RFK: variants seen among roughly 807,000 people sequenced by gnomAD.
The protein encoded by RFK is 0610038L10Rik.
Under a neutral mutation model 17.6 loss-of-function variants are expected in RFK, and 4 were observed. The ratio of observed to expected loss-of-function variants is 0.23; its 90% CI spans 0.11 to 0.52. The LOEUF (loss-of-function observed/expected upper bound fraction) is 0.52. RFK is among the 20% of genes least tolerant of loss of function. The pLI is 0.96. For synonymous variants in RFK, 59 were observed against 63.8 expected (o/e 0.92, Z 0.36); for missense variants, 189 against 187.7 (o/e 1.01, Z -0.04).
At chr9:76,392,945 A>G (rs1822836237) in intron 1 of RFK, among the ~76,000 whole-genome samples, 1 of 152,194 alleles carries the variant, frequency 6.6e-6, no homozygotes, top group Non-Finnish European at 1.5e-5. Context: ...AATCACATGC[A>G]AGGCTAATGT....
intron 1 of RFK, 179 bp downstream of exon 1, chr9:76,393,911 A>C: frequency 1.7e-6 from 1 of 595,310 alleles, no homozygotes; most frequent in Non-Finnish European, 2.8e-6. Context: ...AAGCAGGGAC[A>C]AGCTCCCTCA....
intron 1 of RFK, 70 bp downstream of exon 1, chr9:76,394,020 T>TCTCG: frequency 1.4e-6 from 2 of 1,452,596 alleles, no homozygotes; most frequent in Non-Finnish European, 1.9e-6. Flanking sequence ...CGGTCCCAAG[T>TCTCG]CCCCGGCTGC....
intron 2 of RFK, among the ~76,000 whole-genome samples, chr9:76,389,622 A>G (rs1272843123): frequency 6.6e-6 from 1 of 152,028 alleles, no homozygotes; most frequent in African/African-American, 2.4e-5. Context: ...TTAGCTGGGC[A>G]TGGTGGCGCA....
intron 2 of RFK, among the ~76,000 whole-genome samples, chr9:76,390,286 G>A (rs1033675768): frequency 1.3e-5 from 2 of 152,278 alleles, no homozygotes; most frequent in Non-Finnish European, 2.9e-5. Flanking sequence ...GTATCTTCAT[G>A]ACTTTGGAGT....
At chr9:76,387,816 A>T (rs1011267645) in intron 3 of RFK, 5 of 266,710 alleles carry the variant, frequency 1.9e-5, no homozygotes, top group Admixed American at 4.9e-5. Context: ...CCTGGCCAGC[A>T]TGGTGAAACC....
intron 2 of RFK, among the ~76,000 whole-genome samples, chr9:76,389,020 AC>A (rs1822780745): frequency 6.6e-6 from 1 of 152,224 alleles, no homozygotes; most frequent in Non-Finnish European, 1.5e-5. Flanking sequence ...TTACTACTAA[AC>A]AACTAGTTGT....
Position 76,394,193 on chromosome 9 carries a change from G to C in RFK, c.-22C>G. On this transcript the variant is annotated 5_prime_UTR_variant, in exon 1 of 4. Transcript: ENST00000376736. ...TCATAATGCAGTCCGCTCGGGGAAT[G>C]GGCTGCGGCCCGGTCTGCGCGTCCT... 6.4e-7 allele frequency: 1 copy of C among 1,570,054 alleles called. No homozygotes were observed. The highest frequency in any genetic ancestry group is 1.4e-5 in the African/African-American group (1 of 73,442).
chr9:76,393,910 C>CA, intron 1 of RFK, 180 bp downstream of exon 1: 1 of 596,514 alleles, frequency 1.7e-6, no homozygotes, highest in East Asian at 3.2e-5. Context: ...GAAGCAGGGA[C>CA]AAGCTCCCTC....
In RFK at chr9:76,394,111, T is replaced by C. The variant is rs762009128; in HGVS notation, c.61A>G (p.Lys21Glu). 5.0e-6 allele frequency: 8 copies of C among 1,608,836 alleles called. No individual in the cohort carries two copies. Among genetic ancestry groups the C allele is most frequent in the Non-Finnish European group, 6.8e-6 (8 of 1,178,606 alleles). ...QVVRGFGRGS[K>E]QLGIPTANFP... is the part of the protein sequence containing the mutation. ...TCACCTGTGGGGATGCCCAGCTGCT[T>C]GGAGCCGCGGCCGAAGCCCCGCACC... Residue 21 changes from lysine (K) to glutamate (E), a missense_variant, in exon 1 of 4, where the codon AAG (lysine) becomes GAG (glutamate). Physicochemically the swap from Lys to Glu is moderately conservative, Grantham distance 56 (BLOSUM62 1). Around this residue, in one of 3 missense-constraint regions of RFK, gnomAD observed 90 missense variants for 75.4 expected, o/e 1.19. Coordinates refer to ENST00000376736, the MANE Select transcript of RFK (RefSeq NM_018339.6).
At position 76,393,535 on chromosome 9, in the gene RFK, C is replaced by T. The variant is rs7022515; in HGVS notation, c.82+555G>A. ...GCTTCTTATTTTTCAAATACACAAG[C>T]TCAAGGCTGACTTAACAAGTCAAGA... On this transcript the variant is annotated intron_variant, in intron 1 of 3. Coordinates refer to ENST00000376736, the MANE Select transcript of RFK (RefSeq NM_018339.6). Among the ~76,000 whole-genome samples the T allele has an allele frequency of 7.7e-3, 1,174 of 152,274 alleles. 14 individuals carry two copies. Among genetic ancestry groups the T allele is most frequent in the African/African-American group, 0.026 (1,096 of 41,544 alleles).
In RFK at chr9:76,394,214, G is replaced by C. The variant is rs751612037; in HGVS notation, c.-43C>G. 7 of 1,545,488 alleles carry C rather than the reference G, an allele frequency of 4.5e-6. No individual in the cohort carries two copies. Among genetic ancestry groups the C allele is most frequent in the Non-Finnish European group, 6.1e-6 (7 of 1,145,212 alleles). ...GAATGGGCTGCGGCCCGGTCTGCGC[G>C]TCCTGCGGAGCCGCCGTCGACGCGG... On this transcript the variant is annotated 5_prime_UTR_variant, in exon 1 of 4. Transcript: ENST00000376736.
At position 76,392,554 on chromosome 9, in the gene RFK, T is replaced by A; in HGVS notation, c.98A>T (p.Gln33Leu). 1 of 1,614,180 alleles carries A rather than the reference T, an allele frequency of 6.2e-7. No individual in the cohort carries two copies. Among genetic ancestry groups the A allele is most frequent in the Non-Finnish European group, 8.5e-7 (1 of 1,180,030 alleles). Residue 33 changes from glutamine (Q) to leucine (L), a missense_variant, in exon 2 of 4, where the codon CAA becomes CTA. Gln to Leu is a moderately radical substitution (Grantham distance 113). Around this residue, in one of 3 missense-constraint regions of RFK, gnomAD observed 90 missense variants for 75.4 expected, o/e 1.19. Coordinates refer to ENST00000376736, the MANE Select transcript of RFK (RefSeq NM_018339.6). ...ATCAGCTGGAAGATTATCTACCACT[T>A]GCTCAGGAAAATTAGCTAAACAACA... ...LGIPTANFPE[Q>L]VVDNLPADIS... is the part of the protein sequence containing the mutation.
In RFK at chr9:76,386,725, C is replaced by A. The variant is rs1292765959; in HGVS notation, c.*674G>T. On this transcript the variant is annotated 3_prime_UTR_variant, in exon 4 of 4. Coordinates refer to ENST00000376736, the MANE Select transcript of RFK (RefSeq NM_018339.6). ...TAATGAAGGTGGTACAATGATGTGA[C>A]TGCAAAGAAAATGACTAAAACAAAA... The A allele has an allele frequency of 6.6e-6, 1 of 152,156 alleles. No homozygotes were observed. Among genetic ancestry groups the A allele is most frequent in the East Asian group, 1.9e-4 (1 of 5,204 alleles). The allele number at this position is 152,156 out of a possible 1,614,324, so 9.4% of individuals were successfully genotyped here. A position where few individuals can be genotyped will look rare whatever the true frequency, so the allele number is the denominator to read the frequency against.
Position 76,394,252 on chromosome 9 carries a change from G to A in RFK, c.-81C>T. 1 of 1,408,194 alleles carries A rather than the reference G, an allele frequency of 7.1e-7. No homozygotes were observed. 87.2% of individuals were successfully genotyped at this position (1,408,194 alleles called of 1,614,324 possible). Reference sequence around the variant, plus strand: ...GCCGTCGACGCGGCGCCCAGACCCCGGACCAGCCGGGGGACAGGAGCGTGA... The same window carrying A: ...GCCGTCGACGCGGCGCCCAGACCCCAGACCAGCCGGGGGACAGGAGCGTGA... On this transcript the variant is annotated 5_prime_UTR_variant, in exon 1 of 4. Coordinates refer to ENST00000376736, the MANE Select transcript of RFK (RefSeq NM_018339.6).
rs971851227 is a variant in RFK at position 76,388,410 on chromosome 9, T to C, written c.337+144A>G. The C allele has an allele frequency of 4.6e-6, 3 of 647,010 alleles. No individual in the cohort carries two copies. The African/African-American group carries it at 5.4e-5, about 12-fold the overall frequency. 40.1% of individuals were successfully genotyped at this position (647,010 alleles called of 1,614,324 possible). A position where few individuals can be genotyped will look rare whatever the true frequency, so the allele number is the denominator to read the frequency against. On this transcript the variant is annotated intron_variant, in intron 3 of 3. Transcript: ENST00000376736. Reference sequence around the variant, plus strand: ...TCCCTCACAGGTGAAAGAAGATAGATTCACGTAAAGCACTTAAAACGGTGC... The same window carrying C: ...TCCCTCACAGGTGAAAGAAGATAGACTCACGTAAAGCACTTAAAACGGTGC...
intron 1 of RFK, among the ~76,000 whole-genome samples, chr9:76,392,804 G>C (rs1017088563): frequency 1.3e-5 from 2 of 152,168 alleles, no homozygotes; most frequent in African/African-American, 4.8e-5. Context: ...GAGAGGCTGA[G>C]GCAGGAGGGT....
In RFK at chr9:76,392,493, A is replaced by T; in HGVS notation, c.159T>A (p.Val53=). Residue 53 remains valine, a synonymous_variant, in exon 2 of 4, where the codon GTT becomes GTA. Coordinates refer to ENST00000376736, the MANE Select transcript of RFK (RefSeq NM_018339.6). ...STGIYYGWAS[V]GSGDVHKMVV... is the part of the protein sequence containing the mutation. ...CCATCTTATGGACATCTCCACTTCCAACACTGGCCCAACCATAGTAAATAC... is the reference window on the plus strand; with the variant it reads ...CCATCTTATGGACATCTCCACTTCCTACACTGGCCCAACCATAGTAAATAC... 6.2e-7 allele frequency: 1 copy of T among 1,614,174 alleles called. No homozygotes were observed. The highest frequency in any genetic ancestry group is 8.5e-7 in the Non-Finnish European group (1 of 1,179,992).
chr9:76,393,646 TGA>T, intron 1 of RFK: 6 of 169,736 alleles, frequency 3.5e-5, no homozygotes, highest in South Asian at 1.6e-4. Flanking sequence ...GAAGGTTAGC[TGA>T]CTCTCATTCA....
intron 2 of RFK, among the ~76,000 whole-genome samples, chr9:76,389,075 T>C (rs1488997455): frequency 1.3e-5 from 2 of 152,168 alleles, no homozygotes; most frequent in Non-Finnish European, 2.9e-5. Context: ...ACAACATGTA[T>C]GGAAACTTCA....
Sources: allele counts gnomAD v4.1 joint callset (sites outside exome capture counted in the v4.1 genomes callset), GRCh38; gene constraint gnomAD v4.1.1; regional missense constraint gnomAD v4.1.1; transcripts MANE v1.5; gene names NCBI Gene and HGNC (gene_info 2026-07-23, HGNC 2026-07-21).